The following DOCK8 variants were observed in gnomAD, a reference collection of about 807,000 sequenced individuals.
The protein encoded by DOCK8 is dedicator of cytokinesis 8, also known as dedicator of cytokinesis protein 8.
DOCK8 carries 141 observed loss-of-function variants against 245.6 expected under a neutral mutation model. That is an observed-to-expected ratio of 0.57 (90% CI 0.50 to 0.66). The LOEUF is 0.66. Among genes scored for constraint, DOCK8 ranks in the 30% least tolerant of loss-of-function variants. The pLI, the probability that DOCK8 is intolerant of heterozygous loss-of-function variation, is 0.00. For missense variants in DOCK8, 2,965 were observed against 2,603.4 expected (o/e 1.14, Z -3.02); for synonymous variants, 1,168 against 970.2 (o/e 1.20, Z -3.79).
chr9:403,977 T>TATATATAA (rs1229169828), intron 26 of DOCK8, among the ~76,000 whole-genome samples: 1 of 91,316 alleles, frequency 1.1e-5, no homozygotes, highest in African/African-American at 6.9e-5. Context: ...TATATATATG[T>TATATATAA]GTATATATAT....
chr9:347,159 G>A (rs2051930211), intron 14 of DOCK8, among the ~76,000 whole-genome samples: 1 of 152,120 alleles, frequency 6.6e-6, no homozygotes, highest in Non-Finnish European at 1.5e-5. Flanking sequence ...CCTTCTCATG[G>A]AAGGGAAGCT....
chr9:441,208 T>C, intron 40 of DOCK8, 78 bp from the exon 41 acceptor site: 13 of 1,580,338 alleles, frequency 8.2e-6, no homozygotes, highest in Non-Finnish European at 1.1e-5. Context: ...GCACATTGTT[T>C]GGACAATGAC....
chr9:446,371 C>T lies in DOCK8; in HGVS notation c.5582C>T (p.Ala1861Val), dbSNP rs764947516. 3 of 1,613,526 alleles carry T rather than the reference C, an allele frequency of 1.9e-6. No individual in the cohort carries two copies. The highest frequency in any genetic ancestry group is 1.7e-4 in the Middle Eastern group (1 of 6,058). Residue 1861 changes from alanine (A) to valine (V), a missense_variant and splice_region_variant, in exon 44 of 48, where the codon GCC becomes GTC. Ala to Val is a moderately conservative substitution (Grantham distance 64, BLOSUM62 0). Transcript: ENST00000432829. ...CCCTCCGTGCCTTTTCCCCCTTAGG[C>T]CTACATACAGATCACTTTTGTGGAG... ...VDKTKLDPNK[A>V]YIQITFVEPY...
intron 3 of DOCK8, among the ~76,000 whole-genome samples, chr9:286,838 A>G (rs1252837477): frequency 2.6e-5 from 4 of 152,220 alleles, no homozygotes; most frequent in Non-Finnish European, 5.9e-5. Flanking sequence ...TTGAAAAGCT[A>G]TGTGAAGACT....
chr9:248,222 CT>C (rs2047554389), intron 1 of DOCK8, among the ~76,000 whole-genome samples: 1 of 152,214 alleles, frequency 6.6e-6, no homozygotes, highest in African/African-American at 2.4e-5. Flanking sequence ...GCTCAGGTCT[CT>C]TGTTTTGCCT....
chr9:215,200 C>A, intron 1 of DOCK8, 171 bp downstream of exon 1: 2 of 1,520,158 alleles, frequency 1.3e-6, no homozygotes, highest in African/African-American at 1.4e-5. Context: ...AGCCGCTGGA[C>A]GCGCGGCGGC....
At chr9:297,029 C>T (rs912385099) in intron 4 of DOCK8, among the ~76,000 whole-genome samples, 2 of 152,134 alleles carry the variant, frequency 1.3e-5, no homozygotes, top group Non-Finnish European at 1.5e-5. Context: ...CTCGGCTACT[C>T]CCTACCCCAA....
intron 2 of DOCK8, among the ~76,000 whole-genome samples, chr9:280,178 A>G (rs900345371): frequency 6.6e-6 from 1 of 152,198 alleles, no homozygotes; most frequent in Non-Finnish European, 1.5e-5. Flanking sequence ...GTTGTGGATA[A>G]TTTAAGCTTT....
Position 271,717 on chromosome 9 carries a change from C to G in DOCK8, c.144C>G (p.Pro48=). 1 of 1,550,814 alleles carries G rather than the reference C, an allele frequency of 6.4e-7. No individual in the cohort carries two copies. Among genetic ancestry groups the G allele is most frequent in the East Asian group, 2.4e-5 (1 of 40,902 alleles). Residue 48 remains proline (P), a synonymous_variant, in exon 2 of 48, where the codon CCC becomes CCG. Transcript: ENST00000432829. ...HRQSISTSGF[P]SLQLPQFYDP... ...AGAGCATAAGTACCTCTGGCTTCCC[C>G]TCTCTTCAACTAGTAAGTATGAGTT...
chr9:214,513 G>A (rs900402082), upstream of DOCK8: 14 of 1,612,214 alleles, frequency 8.7e-6, no homozygotes, highest in Admixed American at 1.7e-5. Flanking sequence ...CTAGCCTTAC[G>A]AATCCCTGGG....
chr9:276,719 C>A (rs1275152400), intron 2 of DOCK8, among the ~76,000 whole-genome samples: 3 of 152,180 alleles, frequency 2.0e-5, no homozygotes, highest in Non-Finnish European at 4.4e-5. Flanking sequence ...AACCAGAGAC[C>A]CTCTGGTGCC....
chr9:463,819 C>A, intron 47 of DOCK8, 132 bp downstream of exon 47: 1 of 1,069,300 alleles, frequency 9.4e-7, no homozygotes. Context: ...GTCCCACAGT[C>A]AGAGAGGCTA....
intron 1 of DOCK8, among the ~76,000 whole-genome samples, chr9:217,542 G>T (rs2046786162): frequency 6.6e-6 from 1 of 152,152 alleles, no homozygotes. Context: ...GCAAGAAAAT[G>T]GATTGGAAAT....
chr9:256,181 C>T (rs62531333), intron 1 of DOCK8, among the ~76,000 whole-genome samples: 2 of 152,238 alleles, frequency 1.3e-5, no homozygotes, highest in Admixed American at 6.5e-5. Context: ...ATCACAAGAA[C>T]GAGGCTCTTT....
At chr9:219,094 T>C (rs550993340) in intron 1 of DOCK8, among the ~76,000 whole-genome samples, 1 of 152,378 alleles carries the variant, frequency 6.6e-6, no homozygotes, top group South Asian at 2.1e-4. Context: ...AAAATAATAA[T>C]AGGTAACATT....
intron 11 of DOCK8, 136 bp downstream of exon 11, chr9:334,520 C>A: frequency 1.1e-6 from 1 of 915,942 alleles, no homozygotes; most frequent in Non-Finnish European, 1.7e-6. Context: ...TAGAATGAAA[C>A]ACTGTTATGA....
In DOCK8 at chr9:422,081, T is replaced by C; in HGVS notation, c.4187T>C (p.Leu1396Ser). ...CGATTTCCAGGCCTAAATGAAAATT[T>C]GAGATGGAAGAAAGAGCAGACACAT... Reference protein sequence around the residue: ...NDRFPGLNENLRWKKEQTHWR... With the variant: ...NDRFPGLNENSRWKKEQTHWR... Residue 1396 changes from leucine (L) to serine (S), a missense_variant, in exon 33 of 48, where the codon TTG becomes TCG. By Grantham distance (145) the Leu-to-Ser change is moderately radical. Transcript: ENST00000432829. The C allele has an allele frequency of 6.2e-7, 1 of 1,614,106 alleles. No homozygotes were observed. The highest frequency in any genetic ancestry group is 8.5e-7 in the Non-Finnish European group (1 of 1,180,028).
chr9:230,998 T>C (rs540664883), intron 1 of DOCK8, among the ~76,000 whole-genome samples: 2,895 of 152,180 alleles, frequency 0.019, 76 homozygotes, highest in African/African-American at 0.066. Context: ...CTGAATGGTA[T>C]TGCCTAGGTT....
intron 14 of DOCK8, among the ~76,000 whole-genome samples, chr9:364,942 A>T (rs1015288445): frequency 1.3e-5 from 2 of 152,218 alleles, no homozygotes; most frequent in Non-Finnish European, 2.9e-5. Flanking sequence ...ACATGAGCTC[A>T]ACCCCAAAGA....
Sources: allele counts gnomAD v4.1 joint callset (sites outside exome capture counted in the v4.1 genomes callset), GRCh38; gene constraint gnomAD v4.1.1; transcripts MANE v1.5; gene names NCBI Gene and HGNC (gene_info 2026-07-23, HGNC 2026-07-21).